Variants in SDK2 observed in about 807,000 individuals in gnomAD.
SDK2 encodes the protein protein sidekick-2.
Under a neutral mutation model 253.9 loss-of-function variants are expected in SDK2, and 105 were observed. That is an observed-to-expected ratio of 0.41 (90% CI 0.35 to 0.49). SDK2 has a LOEUF of 0.49. Among genes scored for constraint, SDK2 ranks in the 20% least tolerant of loss-of-function variants. SDK2 has a pLI of 0.06. For missense variants in SDK2, 2,608 were observed against 3,003.0 expected (o/e 0.87, Z 3.07); for synonymous variants, 1,249 against 1,234.9 (o/e 1.01, Z -0.24).
chr17:73,457,261 T>TCC (rs2063532999), intron 3 of SDK2, among the ~76,000 whole-genome samples: 3 of 58,442 alleles, frequency 5.1e-5, no homozygotes, highest in East Asian at 2.9e-3. Context: ...CTTCCTTCCT[T>TCC]CCTTCCTTCC....
intron 15 of SDK2, among the ~76,000 whole-genome samples, chr17:73,420,500 T>G (rs1000145356): frequency 1.3e-5 from 2 of 151,382 alleles, no homozygotes; most frequent in South Asian, 2.1e-4. Flanking sequence ...CTGGCTAATT[T>G]TTATATTTTT....
In SDK2 at chr17:73,465,426, T is replaced by A. The variant is rs1766260671; in HGVS notation, c.331+6686A>T. On this transcript the variant is annotated intron_variant, in intron 3 of 44. Transcript: ENST00000392650. The surrounding 1 kb of genome is among the most constrained non-coding windows in gnomAD (Gnocchi z 4.2). ...AGGTGAGGAGAACACAGAGGTGCCC[T>A]CAGGACCTGGATGTGGTGAAACGCT... is the stretch of plus-strand genomic sequence containing the variant. Among the ~76,000 whole-genome samples the A allele has an allele frequency of 6.6e-6, 1 of 152,214 alleles. No individual in the cohort carries two copies. Among genetic ancestry groups the A allele is most frequent in the East Asian group, 1.9e-4 (1 of 5,160 alleles).
At chr17:73,559,262 C>T (rs1428413360) in intron 1 of SDK2, among the ~76,000 whole-genome samples, 1 of 152,168 alleles carries the variant, frequency 6.6e-6, no homozygotes, top group South Asian at 2.1e-4. Flanking sequence ...TCTGGGAAAA[C>T]TATTTAACCT....
At chr17:73,394,072 G>A in intron 26 of SDK2, 137 bp downstream of exon 26, 3 of 545,814 alleles carry the variant, frequency 5.5e-6, no homozygotes, top group South Asian at 9.5e-5. Flanking sequence ...GGTGACCATT[G>A]GCTAGGACGC....
In SDK2 at chr17:73,390,368, A is replaced by G. The variant is rs569492221; in HGVS notation, c.4111T>C (p.Tyr1371His). 1.1e-5 allele frequency: 18 copies of G among 1,612,540 alleles called. No homozygotes were observed. In the South Asian group the frequency reaches 1.5e-4, roughly 14 times the overall value. The change falls in exon 29 of 45, where the codon TAC becomes CAC. Residue 1371 changes from tyrosine (Y) to histidine (H), a missense_variant. Tyr to His is a moderately conservative substitution (Grantham distance 83). Coordinates refer to ENST00000392650, the MANE Select transcript of SDK2 (RefSeq NM_001144952.2). Reference sequence around the variant, plus strand: ...GTCTGGGCCGTGATGCGGAACAGGTAGACAGACTCTGGCTTGAGGCCCGTG... The same window carrying G: ...GTCTGGGCCGTGATGCGGAACAGGTGGACAGACTCTGGCTTGAGGCCCGTG... ...TATGLKPESV[Y>H]LFRITAQTRK...
intron 1 of SDK2, among the ~76,000 whole-genome samples, chr17:73,564,763 TGCAGTGGGCC>T (rs1259811128): frequency 6.6e-6 from 1 of 151,646 alleles, no homozygotes; most frequent in Non-Finnish European, 1.5e-5. Flanking sequence ...AGGCGGAGGT[TGCAGTGGGCC>T]GAGATCGCGC....
intron 1 of SDK2, among the ~76,000 whole-genome samples, chr17:73,509,138 G>C (rs777001216): frequency 6.6e-6 from 1 of 152,178 alleles, no homozygotes; most frequent in Admixed American, 6.5e-5. Context: ...TGTCATCTAC[G>C]GACTTGTCTA....
intron 1 of SDK2, chr17:73,518,941 G>C (rs2064053417): frequency 6.6e-6 from 1 of 152,154 alleles, no homozygotes; most frequent in Non-Finnish European, 1.5e-5. Context: ...ATGAGACTCA[G>C]CTCTGCCTCA....
Position 73,397,865 on chromosome 17 carries a change from C to T in SDK2, c.3354+170G>A, listed in dbSNP as rs565826553. Among the ~76,000 whole-genome samples, 12 of 152,288 alleles carry T rather than the reference C, an allele frequency of 7.9e-5. No individual in the cohort carries two copies. The East Asian group carries it at 1.5e-3, about 20-fold the overall frequency. ...TTTTTGAGCTCCTTCCTCTCATCGGCGGGCGGGGGGGCATTTGTTCGTTGG... is the reference window on the plus strand; with the variant it reads ...TTTTTGAGCTCCTTCCTCTCATCGGTGGGCGGGGGGGCATTTGTTCGTTGG... On this transcript the variant is annotated intron_variant, in intron 24 of 44. Coordinates refer to ENST00000392650, the MANE Select transcript of SDK2 (RefSeq NM_001144952.2).
intron 22 of SDK2, 61 bp from the exon 23 acceptor site, chr17:73,398,490 G>T: frequency 7.0e-7 from 1 of 1,420,732 alleles, no homozygotes; most frequent in Non-Finnish European, 9.8e-7. Context: ...GGTGCTCCGA[G>T]CCCCAGTACA....
intron 12 of SDK2, among the ~76,000 whole-genome samples, chr17:73,425,144 C>T (rs555309416): frequency 3.9e-5 from 6 of 152,136 alleles, no homozygotes; most frequent in Admixed American, 1.3e-4. Context: ...CACTTGAACC[C>T]GGGAAGTGGA....
At chr17:73,520,853 G>A (rs756580873) in intron 1 of SDK2, 1 of 152,240 alleles carries the variant, frequency 6.6e-6, no homozygotes, top group Non-Finnish European at 1.5e-5. Context: ...TCCAGAGTAG[G>A]TAGATCCATA....
At position 73,348,582 on chromosome 17, in the gene SDK2, G is replaced by A. The variant is rs201960645; in HGVS notation, c.6165+17C>T. 6.2e-7 allele frequency: 1 copy of A among 1,610,502 alleles called. No individual in the cohort carries two copies. Among genetic ancestry groups the A allele is most frequent in the East Asian group, 2.2e-5 (1 of 44,838 alleles). ...GCTCCCTGCCCCCTGCAGGACACCT[G>A]GCCCTCCTGCCCTCACCTGAGAGTC... On this transcript the variant is annotated intron_variant, in intron 44 of 44. Transcript: ENST00000392650.
chr17:73,361,861 C>T lies in SDK2; in HGVS notation c.5306-16G>A, dbSNP rs1297047037. On this transcript the variant is annotated splice_polypyrimidine_tract_variant and intron_variant, in intron 38 of 44. Transcript: ENST00000392650. This position sits in a 1 kb window ranked among gnomAD's most constrained non-coding sequence, Gnocchi z 4.1. ...TTGCTGACTCCTGGGGGAGGCACAG[C>T]AAGTGGGGACTGGGCACAGGGCCCA... 6.4e-7 allele frequency: 1 copy of T among 1,564,296 alleles called. No homozygotes were observed. The highest frequency in any genetic ancestry group is 1.8e-5 in the Admixed American group (1 of 54,218).
chr17:73,475,511 A>G (rs1036150593), intron 2 of SDK2, among the ~76,000 whole-genome samples: 1 of 152,244 alleles, frequency 6.6e-6, no homozygotes, highest in Non-Finnish European at 1.5e-5. Context: ...AAGGCTGTTC[A>G]CTGTAGCATT....
chr17:73,552,666 C>T (rs1469313592), intron 1 of SDK2, among the ~76,000 whole-genome samples: 2 of 152,208 alleles, frequency 1.3e-5, no homozygotes, highest in African/African-American at 4.8e-5. Context: ...AGTCACTTGG[C>T]AGGATACGGG....
chr17:73,415,350 C>CTTTTTTT (rs35201251), intron 17 of SDK2, among the ~76,000 whole-genome samples: 1 of 122,126 alleles, frequency 8.2e-6, no homozygotes, highest in Non-Finnish European at 1.7e-5. Context: ...TTTCATTTCA[C>CTTTTTTT]TTTTTTTTTT....
At chr17:73,402,231 G>A (rs1025221176) in intron 18 of SDK2, 90 bp from the exon 19 acceptor site, 5 of 1,372,196 alleles carry the variant, frequency 3.6e-6, no homozygotes, top group Middle Eastern at 2.0e-4. Context: ...ATCAACAGAT[G>A]GTGTCCGGGG....
At chr17:73,387,733 A>C in intron 30 of SDK2, 103 bp downstream of exon 30, 1 of 1,043,512 alleles carries the variant, frequency 9.6e-7, no homozygotes, top group African/African-American at 1.6e-5. Flanking sequence ...AGCTGGGGGC[A>C]GGCTGGAGGT....
Sources: gnomAD v4.1 joint callset for allele counts (sites outside exome capture counted in the v4.1 genomes callset) on GRCh38, gnomAD v4.1.1 for gene constraint, Gnocchi (gnomAD v3.1) non-coding constraint, MANE v1.5 for transcripts, NCBI Gene and HGNC (gene_info 2026-07-23, HGNC 2026-07-21) for gene names.